Variants in BRSK2 observed in about 807,000 individuals in gnomAD.
The protein encoded by BRSK2 is serine/threonine-protein kinase BRSK2.
In BRSK2, 19 loss-of-function variants were observed where a neutral mutation model predicts 83.3. The ratio of observed to expected loss-of-function variants is 0.23; its 90% CI spans 0.16 to 0.33. The LOEUF (loss-of-function observed/expected upper bound fraction) is 0.33. BRSK2 is among the 10% of genes least tolerant of loss of function. The probability of loss-of-function intolerance (pLI) is 1.00; values close to 1 mark genes in which losing one functional copy is unlikely to be tolerated. For synonymous variants in BRSK2, 519 were observed against 435.4 expected, an observed-to-expected ratio of 1.19 and a Z score of -2.39; for missense variants, 798 against 1,042.3, an observed-to-expected ratio of 0.77 and a Z score of 3.23.
At chr11:1,392,393 G>T (rs1289476753) in intron 1 of BRSK2, among the ~76,000 whole-genome samples, 1 of 152,242 alleles carries the variant, frequency 6.6e-6, no homozygotes, top group Non-Finnish European at 1.5e-5. Flanking sequence ...TGCTTGGGGG[G>T]CCATTGGTGT....
chr11:1,393,357 T>G (rs1186989030), intron 1 of BRSK2, among the ~76,000 whole-genome samples: 3 of 151,860 alleles, frequency 2.0e-5, no homozygotes, highest in Non-Finnish European at 2.9e-5. Flanking sequence ...TGGGAGGAGC[T>G]GGAGAACCTC....
chr11:1,440,676 T>G (rs1590561972), intron 3 of BRSK2, 112 bp from the exon 4 acceptor site: 1 of 1,365,506 alleles, frequency 7.3e-7, no homozygotes, highest in Non-Finnish European at 9.8e-7. Flanking sequence ...AGCAAGAGGA[T>G]GGGGGCGGCC....
rs537048005 is a variant in BRSK2 at position 1,443,639 on chromosome 11, C to A, written c.780+4C>A. ...GGACGCCGCACGCCGCCTCACGGTG[C>A]GTGCCCTCGGAGCGGGGCGGCCCCA... On this transcript the variant is annotated splice_donor_region_variant and intron_variant, in intron 8 of 19. Coordinates refer to ENST00000528841, the MANE Select transcript of BRSK2 (RefSeq NM_001256627.2). 3.1e-6 allele frequency: 5 copies of A among 1,591,774 alleles called. No homozygotes were observed. Among genetic ancestry groups the A allele is most frequent in the Non-Finnish European group, 4.3e-6 (5 of 1,168,976 alleles).
At chr11:1,404,407 C>T (rs1378118767) in intron 1 of BRSK2, among the ~76,000 whole-genome samples, 1 of 152,202 alleles carries the variant, frequency 6.6e-6, no homozygotes, top group African/African-American at 2.4e-5. Flanking sequence ...CTGCCTCAGC[C>T]TCCCAGGACA....
At position 1,449,782 on chromosome 11, in the gene BRSK2, G is replaced by A; in HGVS notation, c.1233G>A (p.Arg411=). The change falls in exon 13 of 20, where the codon CGG becomes CGA. Residue 411 remains arginine, a synonymous_variant. Transcript: ENST00000528841. ...IEMAQHGQRS[R]SISGASSGLS... ...TGTACCTTGTGACCTCCAGGTCTCGGTCCATCAGCGGTGCCTCCTCAGGCC... is the reference window on the plus strand; with the variant it reads ...TGTACCTTGTGACCTCCAGGTCTCGATCCATCAGCGGTGCCTCCTCAGGCC... The A allele has an allele frequency of 6.2e-7, 1 of 1,612,256 alleles. No homozygotes were observed. The highest frequency in any genetic ancestry group is 8.5e-7 in the Non-Finnish European group (1 of 1,179,518).
chr11:1,460,424 C>G, intron 19 of BRSK2, 76 bp from the exon 20 acceptor site: 15 of 923,512 alleles, frequency 1.6e-5, no homozygotes, highest in Non-Finnish European at 1.9e-5. Flanking sequence ...CTCCTTCCCT[C>G]CCCTCCTCTT....
Position 1,438,509 on chromosome 11 carries a change from C to A in BRSK2, c.272+118C>A. On this transcript the variant is annotated intron_variant, in intron 3 of 19. Transcript: ENST00000528841. The surrounding 1 kb of genome is among the most constrained non-coding windows in gnomAD (Gnocchi z 6.4). ...GGAGGCCAGGGGCGCCTGCTGCATC[C>A]CAGCAGCCCTGGCCCTGCTAGCATG... 1.1e-6 allele frequency: 1 copy of A among 887,056 alleles called. No individual in the cohort carries two copies. Among genetic ancestry groups the A allele is most frequent in the East Asian group, 2.5e-5 (1 of 39,480 alleles). The allele number at this position is 887,056 out of a possible 1,614,324, so 54.9% of individuals were successfully genotyped here.
intron 1 of BRSK2, among the ~76,000 whole-genome samples, chr11:1,425,114 G>A (rs1343611274): frequency 6.6e-6 from 1 of 152,246 alleles, no homozygotes; most frequent in Non-Finnish European, 1.5e-5. Flanking sequence ...TGGGAAGCCT[G>A]ACGTCTGCAT....
chr11:1,393,276 GT>G (rs1845840898), intron 1 of BRSK2, among the ~76,000 whole-genome samples: 1 of 152,082 alleles, frequency 6.6e-6, no homozygotes, highest in Admixed American at 6.5e-5. Context: ...CCATCAGTAC[GT>G]GGAGCAGGGC....
intron 1 of BRSK2, among the ~76,000 whole-genome samples, chr11:1,398,192 TG>T (rs1278304804): frequency 1.3e-5 from 2 of 152,126 alleles, no homozygotes; most frequent in African/African-American, 4.8e-5. Context: ...GGATAGGGGC[TG>T]GGGGGCAGTG....
At chr11:1,448,361 C>T (rs974778026) in intron 12 of BRSK2, among the ~76,000 whole-genome samples, 29 of 152,300 alleles carry the variant, frequency 1.9e-4, no homozygotes, top group African/African-American at 6.5e-4. Context: ...GGCTGCCGGT[C>T]GGGGTCCTTC....
In BRSK2 at chr11:1,390,101, C is replaced by G. The variant is rs1240832017; in HGVS notation, c.-184C>G. Reference sequence around the variant, plus strand: ...CGCCGCGGGCCAGGCCTCGGACTGCCGCGTCGGAGTGGACGCGGGGGGCGG... The same window carrying G: ...CGCCGCGGGCCAGGCCTCGGACTGCGGCGTCGGAGTGGACGCGGGGGGCGG... On this transcript the variant is annotated 5_prime_UTR_variant, in exon 1 of 20. Coordinates refer to ENST00000528841, the MANE Select transcript of BRSK2 (RefSeq NM_001256627.2). This position sits in a 1 kb window ranked among gnomAD's most constrained non-coding sequence, Gnocchi z 6.8. The G allele has an allele frequency of 6.6e-6, 1 of 151,026 alleles. No individual in the cohort carries two copies. The highest frequency in any genetic ancestry group is 1.4e-5 in the Non-Finnish European group (1 of 69,694). 9.4% of individuals were successfully genotyped at this position (151,026 alleles called of 1,614,324 possible).
chr11:1,411,125 T>A (rs1190128582), intron 1 of BRSK2: 3 of 1,205,396 alleles, frequency 2.5e-6, no homozygotes, highest in Non-Finnish European at 3.1e-6. Context: ...CAGCTGGGGA[T>A]CCTCAGGGGC....
chr11:1,461,313 T>A lies in BRSK2; in HGVS notation c.*590T>A, dbSNP rs2133328466. 2.4e-6 allele frequency: 1 copy of A among 414,134 alleles called. No homozygotes were observed. Among genetic ancestry groups the A allele is most frequent in the Non-Finnish European group, 4.3e-6 (1 of 230,628 alleles). 25.7% of individuals were successfully genotyped at this position (414,134 alleles called of 1,614,324 possible). A position where few individuals can be genotyped will look rare whatever the true frequency, so the allele number is the denominator to read the frequency against. Reference sequence around the variant, plus strand: ...CCGTCCACCGCCTCCACGCCGCACCTGGAGGCCTCCTCGCAGGCCCGTGCC... The same window carrying A: ...CCGTCCACCGCCTCCACGCCGCACCAGGAGGCCTCCTCGCAGGCCCGTGCC... On this transcript the variant is annotated 3_prime_UTR_variant, in exon 20 of 20. Coordinates refer to ENST00000528841, the MANE Select transcript of BRSK2 (RefSeq NM_001256627.2).
chr11:1,394,625 A>G (rs1845943691), intron 1 of BRSK2, among the ~76,000 whole-genome samples: 2 of 85,684 alleles, frequency 2.3e-5, no homozygotes, highest in Admixed American at 1.1e-4. Flanking sequence ...GGTCCTGGAG[A>G]TGGGTCCTGG....
intron 14 of BRSK2, 89 bp from the exon 15 acceptor site, chr11:1,451,282 A>G: frequency 6.7e-7 from 1 of 1,485,560 alleles, no homozygotes; most frequent in Non-Finnish European, 9.4e-7. Flanking sequence ...TGGACTCCTG[A>G]TGACCCTGAC....
intron 12 of BRSK2, among the ~76,000 whole-genome samples, chr11:1,449,321 C>T (rs540197830): frequency 4.9e-4 from 74 of 152,350 alleles, no homozygotes; most frequent in African/African-American, 1.5e-3. Flanking sequence ...GCATCCCTCA[C>T]GGGCATCTAG....
intron 2 of BRSK2, among the ~76,000 whole-genome samples, chr11:1,437,944 C>G (rs1013510804): frequency 6.6e-6 from 1 of 152,104 alleles, no homozygotes; most frequent in Non-Finnish European, 1.5e-5. Flanking sequence ...GTCAGCCCGG[C>G]GGCCTGGGCT....
chr11:1,409,161 CCTCT>C (rs758646038), intron 1 of BRSK2, among the ~76,000 whole-genome samples: 1 of 152,206 alleles, frequency 6.6e-6, no homozygotes, highest in Non-Finnish European at 1.5e-5. Context: ...CCTGCATTTC[CCTCT>C]CTGTTTCTCT....
Sources: allele counts gnomAD v4.1 joint callset (sites outside exome capture counted in the v4.1 genomes callset), GRCh38; gene constraint gnomAD v4.1.1; non-coding constraint Gnocchi (gnomAD v3.1); transcripts MANE v1.5; gene names NCBI Gene and HGNC (gene_info 2026-07-23, HGNC 2026-07-21).